HABP2: variants seen among roughly 807,000 people sequenced by gnomAD.
The protein encoded by HABP2 is hyaluronan binding protein 2.
A neutral mutation model predicts 66.5 loss-of-function variants in HABP2; 65 were observed. The ratio of observed to expected loss-of-function variants is 0.98; its 90% confidence interval spans 0.80 to 1.20. The LOEUF (loss-of-function observed/expected upper bound fraction) is 1.20, where lower values mean the gene tolerates loss of function less well. Ranked by LOEUF, HABP2 falls within the 50% of genes most tolerant of loss-of-function variation. The probability of loss-of-function intolerance (pLI) is 0.00; values close to 1 mark genes in which losing one functional copy is unlikely to be tolerated. For missense variants in HABP2, 786 were observed against 691.0 expected (o/e 1.14, Z -1.54); for synonymous variants, 263 against 253.9 (o/e 1.04, Z -0.34).
intron 1 of HABP2, among the ~76,000 whole-genome samples, chr10:113,562,430 G>A (rs1370923851): frequency 6.9e-6 from 1 of 145,612 alleles, no homozygotes; most frequent in African/African-American, 2.5e-5. Flanking sequence ...GCCTAGGCCA[G>A]ATTGGATAAG....
intron 1 of HABP2, among the ~76,000 whole-genome samples, chr10:113,557,626 G>T (rs1845022650): frequency 6.6e-6 from 1 of 152,208 alleles, no homozygotes; most frequent in Non-Finnish European, 1.5e-5. Context: ...CCATGCCTGT[G>T]ACCCGCAAAC....
At chr10:113,567,679 T>A (rs1845225692) in intron 2 of HABP2, among the ~76,000 whole-genome samples, 154 bp downstream of exon 2, 1 of 152,166 alleles carries the variant, frequency 6.6e-6, no homozygotes, top group Non-Finnish European at 1.5e-5. Context: ...CCCTCAAAAT[T>A]TGTGCACCCA....
intron 4 of HABP2, among the ~76,000 whole-genome samples, chr10:113,576,213 A>G (rs559830734): frequency 2.0e-5 from 3 of 152,358 alleles, no homozygotes; most frequent in Admixed American, 6.5e-5. Context: ...TCCATTCTCC[A>G]GATGGGAAGA....
intron 4 of HABP2, among the ~76,000 whole-genome samples, chr10:113,576,912 A>G (rs1845421468): frequency 6.6e-6 from 1 of 152,204 alleles, no homozygotes; most frequent in African/African-American, 2.4e-5. Context: ...CAATTATCAA[A>G]GTTTTTTTAT....
chr10:113,561,184 A>G (rs1845093793), intron 1 of HABP2, among the ~76,000 whole-genome samples: 1 of 152,290 alleles, frequency 6.6e-6, no homozygotes, highest in African/African-American at 2.4e-5. Context: ...TTTACAGTGT[A>G]ATCTTCTTGG....
In HABP2 at chr10:113,554,368, A is replaced by G. The variant is rs111752232; in HGVS notation, c.69+1178A>G. 1.7e-3 allele frequency among the ~76,000 whole-genome samples: 255 copies of G among 152,326 alleles called. 1 individual carries two copies. The highest frequency in any genetic ancestry group is 5.8e-3 in the African/African-American group (243 of 41,572). On this transcript the variant is annotated intron_variant, in intron 1 of 12. Transcript: ENST00000351270. Reference sequence around the variant, plus strand: ...TTTCACTCCATAGAGCGTTTCCTGAATGAAGCAGATTAAGTTACAGTTTTC... The same window carrying G: ...TTTCACTCCATAGAGCGTTTCCTGAGTGAAGCAGATTAAGTTACAGTTTTC...
chr10:113,584,374 G>C, intron 11 of HABP2, 92 bp downstream of exon 11: 1 of 1,047,030 alleles, frequency 9.6e-7, no homozygotes, highest in Non-Finnish European at 1.5e-6. Context: ...AAGTTGAAAT[G>C]AGTGTCATAT....
chr10:113,552,922 C>T, upstream of HABP2: 6 of 523,182 alleles, frequency 1.1e-5, no homozygotes, highest in South Asian at 1.5e-4. Flanking sequence ...CTCAGCCCAG[C>T]CCCAAAGTTG....
rs765182837 is a variant in HABP2, at chr10:113,589,072, GC to G, written c.*709del. On this transcript the variant is annotated 3_prime_UTR_variant, in exon 13 of 13. Transcript: ENST00000351270. The stretch of plus-strand genomic sequence containing the variant: ...ATGATCTCCAGCCTCCACTGCTTCT[GC>G]CCCCCGCTGCTGAAATCAAACATAC... 1.2e-6 allele frequency: 2 copies of G among 1,613,084 alleles called. No individual in the cohort carries two copies. The highest frequency in any genetic ancestry group is 2.2e-5 in the East Asian group (1 of 44,870).
rs1300220758 is a variant in HABP2 at position 113,589,057 on chromosome 10, GC to G, written c.*690del. ...CACCTCCCCACTCTGATGATCTCCAGCCTCCACTGCTTCTGCCCCCCGCTGC... is the reference window on the plus strand; with the variant it reads ...CACCTCCCCACTCTGATGATCTCCAGCTCCACTGCTTCTGCCCCCCGCTGC... On this transcript the variant is annotated 3_prime_UTR_variant, in exon 13 of 13. Transcript: ENST00000351270. 2 of 1,613,912 alleles carry G rather than the reference GC, an allele frequency of 1.2e-6. No individual in the cohort carries two copies. Among genetic ancestry groups the G allele is most frequent in the South Asian group, 2.2e-5 (2 of 91,064 alleles).
chr10:113,589,523 T>A lies in HABP2; in HGVS notation c.*1154T>A. On this transcript the variant is annotated 3_prime_UTR_variant, in exon 13 of 13. Transcript: ENST00000351270. Reference sequence around the variant, plus strand: ...GCCTGGTCATCTCAGACCCATGAAATTAGGCGCCTTGTTTGAGCTGCGTTT... The same window carrying A: ...GCCTGGTCATCTCAGACCCATGAAAATAGGCGCCTTGTTTGAGCTGCGTTT... 1.1e-6 allele frequency: 1 copy of A among 946,494 alleles called. No homozygotes were observed. Among genetic ancestry groups the A allele is most frequent in the Non-Finnish European group, 1.6e-6 (1 of 636,080 alleles). The allele number at this position is 946,494 out of a possible 1,614,324, so 58.6% of individuals were successfully genotyped here.
Position 113,569,542 on chromosome 10 carries a change from G to A in HABP2, c.106+2017G>A, listed in dbSNP as rs909260781. On this transcript the variant is annotated intron_variant, in intron 2 of 12. Transcript: ENST00000351270. ...TTGATCTTGCTGGAGACAGCGCACGGTGAGGGCCTTGCTGGAGCAGAAGGT... is the reference window on the plus strand; with the variant it reads ...TTGATCTTGCTGGAGACAGCGCACGATGAGGGCCTTGCTGGAGCAGAAGGT... The A allele has an allele frequency of 3.3e-5, 5 of 152,518 alleles. No homozygotes were observed. The South Asian group carries it at 1.0e-3, about 32-fold the overall frequency. 9.4% of individuals were successfully genotyped at this position (152,518 alleles called of 1,614,324 possible).
chr10:113,569,480 C>A (rs1353962162), intron 2 of HABP2, among the ~76,000 whole-genome samples: 1 of 152,222 alleles, frequency 6.6e-6, no homozygotes, highest in African/African-American at 2.4e-5. Context: ...GCGAAAGAGA[C>A]CCCGTGCTCG....
Position 113,582,135 on chromosome 10 carries a change from G to C in HABP2, c.1094+4G>C. On this transcript the variant is annotated splice_donor_region_variant and intron_variant, in intron 9 of 12. Transcript: ENST00000351270. ...TCACTGCTGCCCACTGCACCGAGTA[G>C]GTGCCGCTGGGAGCAGGGACCAGGG... 6.3e-7 allele frequency: 1 copy of C among 1,598,602 alleles called. No individual in the cohort carries two copies. The highest frequency in any genetic ancestry group is 8.5e-7 in the Non-Finnish European group (1 of 1,178,122).
At position 113,579,761 on chromosome 10, in the gene HABP2, T is replaced by G. The variant is rs928959380; in HGVS notation, c.741-834T>G. Among the ~76,000 whole-genome samples, 9 of 133,986 alleles carry G rather than the reference T, an allele frequency of 6.7e-5. No individual in the cohort carries two copies. The South Asian group carries it at 1.2e-3, about 17-fold the overall frequency. 87.9% of individuals were successfully genotyped at this position (133,986 alleles called of 152,430 possible). On this transcript the variant is annotated intron_variant, in intron 7 of 12. Transcript: ENST00000351270. ...CTTCATAAATGAGGATTTTTTCTTGTTTTTTTTTTTTGTTTGTTTGTTTTT... is the reference window on the plus strand; with the variant it reads ...CTTCATAAATGAGGATTTTTTCTTGGTTTTTTTTTTTGTTTGTTTGTTTTT...
chr10:113,577,897 C>T, intron 5 of HABP2, 129 bp from the exon 6 acceptor site: 1 of 1,019,678 alleles, frequency 9.8e-7, no homozygotes, highest in East Asian at 2.4e-5. Context: ...TCTGTCTTTC[C>T]CATCTGGTGA....
In HABP2 at chr10:113,578,046, A is replaced by T; in HGVS notation, c.469A>T (p.Asn157Tyr). The change falls in exon 6 of 13, where the codon AAC (asparagine) becomes TAC (tyrosine). Residue 157 changes from asparagine (N) to tyrosine (Y), a missense_variant. By Grantham distance (143) the Asn-to-Tyr change is moderately radical. Coordinates refer to ENST00000351270, the MANE Select transcript of HABP2 (RefSeq NM_004132.5). ...CACAGTGGTTCCTGTATGCAGGCCA[A>T]ACCCCTGCCAGAATGGGGCTACCTG... is the stretch of plus-strand genomic sequence containing the variant. ...CSQVVPVCRP[N>Y]PCQNGATCSR... 2 of 1,614,158 alleles carry T rather than the reference A, an allele frequency of 1.2e-6. No individual in the cohort carries two copies. The highest frequency in any genetic ancestry group is 1.7e-6 in the Non-Finnish European group (2 of 1,180,004).
chr10:113,579,255 G>GA lies in HABP2; in HGVS notation c.740+469dup, dbSNP rs71007434. On this transcript the variant is annotated intron_variant, in intron 7 of 12. Coordinates refer to ENST00000351270, the MANE Select transcript of HABP2 (RefSeq NM_004132.5). ...AGAGTGAGACCCTGTCTCAAAAAAA[G>GA]AAAAAAAAAAAAGAAAAAATGTCTA... Among the ~76,000 whole-genome samples, 1,030 of 133,314 alleles carry GA rather than the reference G, an allele frequency of 7.7e-3. 5 individuals carry two copies. The highest frequency in any genetic ancestry group is 0.016 in the Middle Eastern group (4 of 254). The allele number at this position is 133,314 out of a possible 152,430, so 87.5% of individuals were successfully genotyped here. A position where few individuals can be genotyped will look rare whatever the true frequency, so the allele number is the denominator to read the frequency against.
intron 2 of HABP2, among the ~76,000 whole-genome samples, chr10:113,570,357 G>T (rs1845282840): frequency 6.6e-6 from 1 of 152,184 alleles, no homozygotes; most frequent in South Asian, 2.1e-4. Context: ...CTTAACTCAG[G>T]ATACTCTCAT....
Sources: gnomAD v4.1 joint callset for allele counts (sites outside exome capture counted in the v4.1 genomes callset) on GRCh38, gnomAD v4.1.1 for gene constraint, MANE v1.5 for transcripts, NCBI Gene and HGNC (gene_info 2026-07-23, HGNC 2026-07-21) for gene names.